NECAB1: variants seen among roughly 807,000 people sequenced by gnomAD.
NECAB1 encodes the protein N-terminal EF-hand calcium binding protein 1.
Under a neutral mutation model 57.5 loss-of-function variants are expected in NECAB1, and 29 were observed. The ratio of observed to expected loss-of-function variants is 0.50; its 90% CI spans 0.38 to 0.69. The LOEUF (loss-of-function observed/expected upper bound fraction) is 0.69, where lower values mean the gene tolerates loss of function less well. Ranked by LOEUF, NECAB1 falls within the 30% of genes least tolerant of loss-of-function variation. The pLI, the probability that NECAB1 is intolerant of heterozygous loss-of-function variation, is 0.00. For synonymous variants in NECAB1, 142 were observed against 147.7 expected, an observed-to-expected ratio of 0.96 and a Z score of 0.28; for missense variants, 372 against 413.8, an observed-to-expected ratio of 0.90 and a Z score of 0.88.
chr8:90,923,436 GA>G (rs1810178407), intron 6 of NECAB1, among the ~76,000 whole-genome samples: 2 of 152,206 alleles, frequency 1.3e-5, no homozygotes, highest in South Asian at 2.1e-4. Context: ...TAATCCCAGA[GA>G]AAAGACTTAA....
chr8:90,830,687 T>C (rs1812287063), intron 3 of NECAB1, among the ~76,000 whole-genome samples: 1 of 152,110 alleles, frequency 6.6e-6, no homozygotes, highest in Non-Finnish European at 1.5e-5. Context: ...CTGATCTTTG[T>C]CCAGGCTTTA....
chr8:90,860,323 TG>T (rs1392587470), intron 3 of NECAB1, among the ~76,000 whole-genome samples: 2 of 151,540 alleles, frequency 1.3e-5, no homozygotes, highest in African/African-American at 4.9e-5. Context: ...TCGCTATTCC[TG>T]GTACACTCCT....
intron 10 of NECAB1, among the ~76,000 whole-genome samples, chr8:90,947,735 A>G (rs150182943): frequency 1.3e-5 from 2 of 152,302 alleles, no homozygotes; most frequent in Non-Finnish European, 2.9e-5. Flanking sequence ...AAGTATTGTT[A>G]TCATTATTGG....
intron 5 of NECAB1, among the ~76,000 whole-genome samples, chr8:90,908,522 G>T (rs2130071906): frequency 6.6e-6 from 1 of 152,098 alleles, no homozygotes; most frequent in Admixed American, 6.6e-5. Context: ...TTGTCCTACT[G>T]CCTGCCAAAG....
chr8:90,879,960 T>C (rs1412167940), intron 4 of NECAB1, among the ~76,000 whole-genome samples: 2 of 152,230 alleles, frequency 1.3e-5, no homozygotes, highest in African/African-American at 2.4e-5. Context: ...ACAACCATGA[T>C]CTGGAATTGA....
chr8:90,835,094 A>G (rs1812350354), intron 3 of NECAB1, among the ~76,000 whole-genome samples: 1 of 150,372 alleles, frequency 6.7e-6, no homozygotes, highest in Non-Finnish European at 1.5e-5. Context: ...CCCCTATATT[A>G]TTTACAATTT....
rs1269366343 is a variant in NECAB1 at position 90,956,937 on chromosome 8, TACAC to T, written c.*1428_*1431del. 1 of 139,084 alleles carries T rather than the reference TACAC, an allele frequency of 7.2e-6. No individual in the cohort carries two copies. Among genetic ancestry groups the T allele is most frequent in the Non-Finnish European group, 1.5e-5 (1 of 65,534 alleles). 8.6% of individuals were successfully genotyped at this position (139,084 alleles called of 1,614,324 possible). A position where few individuals can be genotyped will look rare whatever the true frequency, so the allele number is the denominator to read the frequency against. On this transcript the variant is annotated 3_prime_UTR_variant, in exon 13 of 13. Coordinates refer to ENST00000417640, the MANE Select transcript of NECAB1 (RefSeq NM_022351.5). ...GTAGTAAATTTTGATATATTGTACA[TACAC>T]ACGTGTGTGTGTGTGTGTGTGTGTG...
At chr8:90,895,059 A>C (rs2129980581) in intron 5 of NECAB1, among the ~76,000 whole-genome samples, 1 of 152,328 alleles carries the variant, frequency 6.6e-6, no homozygotes, top group Middle Eastern at 3.4e-3. Context: ...GTGATTGACT[A>C]AGCTGCTGCT....
At chr8:90,919,646 C>T (rs1177685397) in intron 6 of NECAB1, among the ~76,000 whole-genome samples, 1 of 152,162 alleles carries the variant, frequency 6.6e-6, no homozygotes, top group Non-Finnish European at 1.5e-5. Flanking sequence ...TAACAATTCA[C>T]TTTAGAAAAG....
In NECAB1 at chr8:90,920,975, C is replaced by T. The variant is rs1810095160; in HGVS notation, c.494+3347C>T. ...ACAGTCATCTGGGGTTCAGAAAGAT[C>T]TTAAAAGCTAGAAAGATGCAAACAA... On this transcript the variant is annotated intron_variant, in intron 6 of 12. Coordinates refer to ENST00000417640, the MANE Select transcript of NECAB1 (RefSeq NM_022351.5). Among the ~76,000 whole-genome samples, 3 of 152,268 alleles carry T rather than the reference C, an allele frequency of 2.0e-5. No homozygotes were observed. The South Asian group carries it at 6.2e-4, about 32-fold the overall frequency.
intron 4 of NECAB1, among the ~76,000 whole-genome samples, chr8:90,877,368 G>A (rs1743831344): frequency 6.6e-6 from 1 of 152,096 alleles, no homozygotes; most frequent in Non-Finnish European, 1.5e-5. Context: ...ATTTGAGGAT[G>A]TCACTCTCCT....
At chr8:90,884,873 C>A (rs1474758412) in intron 5 of NECAB1, among the ~76,000 whole-genome samples, 2 of 152,216 alleles carry the variant, frequency 1.3e-5, no homozygotes, top group East Asian at 3.9e-4. Flanking sequence ...CTGAGTCAGG[C>A]CCAAGCCTTG....
chr8:90,913,027 C>A (rs1032959817), intron 5 of NECAB1, among the ~76,000 whole-genome samples: 1 of 152,094 alleles, frequency 6.6e-6, no homozygotes, highest in African/African-American at 2.4e-5. Flanking sequence ...AATACACTAA[C>A]CCTAGATGTC....
At chr8:90,871,345 G>A (rs754992128) in intron 3 of NECAB1, among the ~76,000 whole-genome samples, 1 of 152,056 alleles carries the variant, frequency 6.6e-6, no homozygotes, top group Admixed American at 6.5e-5. Flanking sequence ...AAGTTATGGT[G>A]TAATAAGTTA....
At chr8:90,822,479 C>G (rs1056548467) in intron 2 of NECAB1, among the ~76,000 whole-genome samples, 6 of 151,892 alleles carry the variant, frequency 4.0e-5, no homozygotes, top group Non-Finnish European at 5.9e-5. Context: ...TTCCACCCTT[C>G]AAGCCAAGAC....
intron 10 of NECAB1, among the ~76,000 whole-genome samples, chr8:90,949,372 G>C (rs1401362036): frequency 6.6e-6 from 1 of 152,118 alleles, no homozygotes; most frequent in Non-Finnish European, 1.5e-5. Context: ...ATGTTGTATG[G>C]CTAAGAATTT....
intron 1 of NECAB1, among the ~76,000 whole-genome samples, chr8:90,796,074 G>A (rs1358102303): frequency 6.6e-6 from 1 of 152,154 alleles, no homozygotes; most frequent in East Asian, 1.9e-4. Flanking sequence ...GCCTACCCTA[G>A]GCAAAATTGA....
At chr8:90,852,034 A>G (rs957193194) in intron 3 of NECAB1, among the ~76,000 whole-genome samples, 4 of 152,126 alleles carry the variant, frequency 2.6e-5, no homozygotes, top group Non-Finnish European at 4.4e-5. Context: ...AAATGAATCA[A>G]TATAATTTTG....
chr8:90,851,398 TGGGCTAGG>T (rs1812679852), intron 3 of NECAB1, among the ~76,000 whole-genome samples: 1 of 152,124 alleles, frequency 6.6e-6, no homozygotes, highest in Non-Finnish European at 1.5e-5. Context: ...GCATCTGCAG[TGGGCTAGG>T]GGCAGACTTG....
Sources: gnomAD v4.1 joint callset for allele counts (sites outside exome capture counted in the v4.1 genomes callset) on GRCh38, gnomAD v4.1.1 for gene constraint, MANE v1.5 for transcripts, NCBI Gene and HGNC (gene_info 2026-07-23, HGNC 2026-07-21) for gene names.